FUT9: variants seen among roughly 807,000 people sequenced by gnomAD.
FUT9 encodes 4-galactosyl-N-acetylglucosaminide 3-alpha-L-fucosyltransferase 9.
Under a neutral mutation model 29.7 loss-of-function variants are expected in FUT9, and 15 were observed. That is an observed-to-expected ratio of 0.51 (90% CI 0.34 to 0.78). FUT9 has a LOEUF of 0.78. Ranked by LOEUF, FUT9 falls within the 30% of genes least tolerant of loss-of-function variation. The pLI is 0.01. For synonymous variants in FUT9, 169 were observed against 153.7 expected (o/e 1.10, Z -0.74); for missense variants, 319 against 425.4 (o/e 0.75, Z 2.20).
chr6:96,078,601 T>C (rs780488972), intron 1 of FUT9, among the ~76,000 whole-genome samples: 4 of 151,538 alleles, frequency 2.6e-5, no homozygotes, highest in Non-Finnish European at 5.9e-5. Context: ...TCTGTATTTT[T>C]AGTAGAGACA....
intron 2 of FUT9, among the ~76,000 whole-genome samples, chr6:96,189,794 G>C (rs976056180): frequency 6.6e-6 from 1 of 152,078 alleles, no homozygotes; most frequent in Non-Finnish European, 1.5e-5. Context: ...TTGAGCCTAT[G>C]TGTGTCTCTG....
Position 96,207,915 on chromosome 6 carries a change from A to G in FUT9, c.*3680A>G, listed in dbSNP as rs551591171. 3.6e-5 allele frequency: 6 copies of G among 166,892 alleles called. No homozygotes were observed. The East Asian group carries it at 9.7e-4, about 27-fold the overall frequency. The allele number at this position is 166,892 out of a possible 1,614,324, so 10.3% of individuals were successfully genotyped here. The stretch of plus-strand genomic sequence containing the variant: ...TTACACCCTGAACAAGAAAGACATG[A>G]GAGCCTGACAGTCATATATATTATG... On this transcript the variant is annotated 3_prime_UTR_variant, in exon 3 of 3. Transcript: ENST00000302103.
intron 2 of FUT9, among the ~76,000 whole-genome samples, chr6:96,127,560 A>T (rs1349277210): frequency 6.6e-6 from 1 of 152,144 alleles, no homozygotes; most frequent in African/African-American, 2.4e-5. Context: ...ATATCCAGTA[A>T]TGGGATTGCT....
At chr6:96,201,982 C>T (rs920220002) in intron 2 of FUT9, among the ~76,000 whole-genome samples, 8 of 151,354 alleles carry the variant, frequency 5.3e-5, no homozygotes, top group East Asian at 1.9e-4. Context: ...TAATTTCTCC[C>T]GTTTTTTGGA....
At chr6:96,078,553 T>C (rs1301396659) in intron 1 of FUT9, among the ~76,000 whole-genome samples, 1 of 151,140 alleles carries the variant, frequency 6.6e-6, no homozygotes, top group African/African-American at 2.4e-5. Flanking sequence ...CCCGAGTAGC[T>C]GGGACTACAG....
chr6:96,112,117 G>C (rs1461095210), intron 1 of FUT9, among the ~76,000 whole-genome samples: 1 of 152,184 alleles, frequency 6.6e-6, no homozygotes, highest in Non-Finnish European at 1.5e-5. Context: ...ATGTGCAAGT[G>C]AAGATTGTAA....
At chr6:96,080,037 A>G (rs909612556) in intron 1 of FUT9, among the ~76,000 whole-genome samples, 2 of 152,054 alleles carry the variant, frequency 1.3e-5, no homozygotes, top group Non-Finnish European at 2.9e-5. Flanking sequence ...TAAACTCAGG[A>G]CATTAAATAT....
chr6:96,135,644 G>A (rs540378838), intron 2 of FUT9, among the ~76,000 whole-genome samples: 7 of 151,896 alleles, frequency 4.6e-5, no homozygotes, highest in East Asian at 1.9e-4. Context: ...AAAAGGTACC[G>A]GGGGAGAAAG....
At chr6:96,037,585 G>A (rs1040375127) in intron 1 of FUT9, 2 of 151,814 alleles carry the variant, frequency 1.3e-5, no homozygotes, top group African/African-American at 2.4e-5. Flanking sequence ...CTGGAAAAAG[G>A]GGCAGCAAAA....
At chr6:96,122,670 G>A in intron 2 of FUT9, among the ~76,000 whole-genome samples, 1 of 151,946 alleles carries the variant, frequency 6.6e-6, no homozygotes, top group East Asian at 1.9e-4. Flanking sequence ...GATTGTACTT[G>A]AGTTTTCATA....
At chr6:96,197,657 T>C (rs1424264297) in intron 2 of FUT9, among the ~76,000 whole-genome samples, 1 of 152,186 alleles carries the variant, frequency 6.6e-6, no homozygotes, top group African/African-American at 2.4e-5. Flanking sequence ...GTAAATGTAC[T>C]ATACAGTGAC....
chr6:96,162,275 CATT>C (rs1428244894), intron 2 of FUT9, among the ~76,000 whole-genome samples: 2 of 152,074 alleles, frequency 1.3e-5, no homozygotes, highest in Admixed American at 1.3e-4. Flanking sequence ...GAGATGTAAT[CATT>C]GTACATATTT....
intron 1 of FUT9, among the ~76,000 whole-genome samples, chr6:96,079,761 A>G (rs1226145926): frequency 6.6e-6 from 1 of 152,122 alleles, no homozygotes; most frequent in Non-Finnish European, 1.5e-5. Flanking sequence ...ATATTTTTTA[A>G]TAGTTTTGTG....
At chr6:96,152,650 A>C (rs1049890607) in intron 2 of FUT9, among the ~76,000 whole-genome samples, 2 of 152,218 alleles carry the variant, frequency 1.3e-5, no homozygotes, top group African/African-American at 4.8e-5. Flanking sequence ...GGACTGCATT[A>C]GGACTTACTT....
chr6:96,037,926 A>G (rs1226123002), intron 1 of FUT9, among the ~76,000 whole-genome samples: 1 of 152,086 alleles, frequency 6.6e-6, no homozygotes, highest in Non-Finnish European at 1.5e-5. Flanking sequence ...AAGCTGGGCT[A>G]TGATTCTGAA....
rs185240310 is a variant in FUT9, at chr6:96,149,213, G to A, written c.-9+35086G>A. ...GAAAATAATAGACTGCTTTTATTAT[G>A]TACAGAGTCAGTATTCCATGCAATT... On this transcript the variant is annotated intron_variant, in intron 2 of 2. Transcript: ENST00000302103. Among the ~76,000 whole-genome samples, 636 of 151,740 alleles carry A rather than the reference G, an allele frequency of 4.2e-3. 1 individual carries two copies. Among genetic ancestry groups the A allele is most frequent in the Non-Finnish European group, 7.7e-3 (522 of 67,924 alleles).
At position 96,210,065 on chromosome 6, in the gene FUT9, G is replaced by A. The variant is rs1353926648; in HGVS notation, c.*5830G>A. 1 of 166,814 alleles carries A rather than the reference G, an allele frequency of 6.0e-6. No individual in the cohort carries two copies. The highest frequency in any genetic ancestry group is 6.6e-5 in the Admixed American group (1 of 15,212). 10.3% of individuals were successfully genotyped at this position (166,814 alleles called of 1,614,324 possible). ...ATATTGTTAATAATACACAGCTTCT[G>A]AATCTCTGGGTGTGAGATGGGACCA... On this transcript the variant is annotated 3_prime_UTR_variant, in exon 3 of 3. Transcript: ENST00000302103.
chr6:96,138,652 C>T (rs142031656), intron 2 of FUT9, among the ~76,000 whole-genome samples: 28 of 152,234 alleles, frequency 1.8e-4, no homozygotes, highest in African/African-American at 6.5e-4. Context: ...TCAGCAACTT[C>T]GAAGCTGGGC....
In FUT9 at chr6:96,204,807, T is replaced by A. The variant is rs1000632798; in HGVS notation, c.*572T>A. The A allele has an allele frequency of 6.6e-5, 11 of 166,652 alleles. No individual in the cohort carries two copies. The highest frequency in any genetic ancestry group is 2.7e-4 in the African/African-American group (11 of 41,456). The allele number at this position is 166,652 out of a possible 1,614,324, so 10.3% of individuals were successfully genotyped here. On this transcript the variant is annotated 3_prime_UTR_variant, in exon 3 of 3. Coordinates refer to ENST00000302103, the MANE Select transcript of FUT9 (RefSeq NM_006581.4). Reference sequence around the variant, plus strand: ...TTATTCATGGAGTGAATAAGAAAGATATGAAGCAGAACTGTTCTATTCGGG... The same window carrying A: ...TTATTCATGGAGTGAATAAGAAAGAAATGAAGCAGAACTGTTCTATTCGGG...
Sources: gnomAD v4.1 joint callset for allele counts (sites outside exome capture counted in the v4.1 genomes callset) on GRCh38, gnomAD v4.1.1 for gene constraint, MANE v1.5 for transcripts, NCBI Gene and HGNC (gene_info 2026-07-23, HGNC 2026-07-21) for gene names.